Variants in PBRM1 observed in about 807,000 individuals in gnomAD.
PBRM1 encodes the protein protein polybromo-1.
In PBRM1, 27 loss-of-function variants were observed where a neutral mutation model predicts 194.5. That is an observed-to-expected ratio of 0.14 (90% confidence interval 0.10 to 0.19). The LOEUF (loss-of-function observed/expected upper bound fraction) is 0.19, where lower values mean the gene tolerates loss of function less well. Ranked by LOEUF, PBRM1 falls within the 10% of genes least tolerant of loss-of-function variation. The pLI is 1.00. For missense variants in PBRM1, 1,466 were observed against 2,077.2 expected (o/e 0.71, Z 5.72); for synonymous variants, 655 against 693.2 (o/e 0.94, Z 0.87).
At chr3:52,602,642 T>C (rs1337961026) in intron 17 of PBRM1, among the ~76,000 whole-genome samples, 3 of 152,226 alleles carry the variant, frequency 2.0e-5, no homozygotes, top group Non-Finnish European at 2.9e-5. Context: ...TCAACCACTT[T>C]TAGCTGGCAA....
Position 52,666,343 on chromosome 3 carries a change from GACCA to G in PBRM1, c.384+2151_384+2154del, listed in dbSNP as rs541228207. Among the ~76,000 whole-genome samples the G allele has an allele frequency of 4.9e-4, 75 of 152,242 alleles. 2 individuals carry two copies. The South Asian group carries it at 0.012, about 24-fold the overall frequency. On this transcript the variant is annotated intron_variant, in intron 3 of 29. Coordinates refer to ENST00000296302, the Ensembl canonical transcript of PBRM1. ...AGATCACCTGAGGTCAGGAGTTCAG[GACCA>G]GCCTGGCCAACATGGCAAAACCACG...
intron 5 of PBRM1, among the ~76,000 whole-genome samples, chr3:52,657,765 T>C (rs1373827656): frequency 2.4e-4 from 33 of 135,756 alleles, no homozygotes; most frequent in Middle Eastern, 5.7e-3. Context: ...CCACTGCGCC[T>C]GGCCCAACAT....
At chr3:52,613,567 C>T (rs2094774326) in intron 15 of PBRM1, among the ~76,000 whole-genome samples, 2 of 152,156 alleles carry the variant, frequency 1.3e-5, no homozygotes, top group South Asian at 2.1e-4. Context: ...TGGTCTCAAA[C>T]TCCTGGGCTG....
chr3:52,600,603 A>C (rs9917834), intron 17 of PBRM1, among the ~76,000 whole-genome samples: 69,289 of 151,954 alleles, frequency 0.46, 16,138 homozygotes, highest in African/African-American at 0.52. Flanking sequence ...TCTAAGAATT[A>C]TCTTGTATCA....
At position 52,550,406 on chromosome 3, in the gene PBRM1, T is replaced by C. The variant is rs961353512; in HGVS notation, c.4897+15A>G. 4 of 1,337,410 alleles carry C rather than the reference T, an allele frequency of 3.0e-6. No individual in the cohort carries two copies. The highest frequency in any genetic ancestry group is 3.0e-5 in the Admixed American group (1 of 33,140). The allele number at this position is 1,337,410 out of a possible 1,614,324, so 82.8% of individuals were successfully genotyped here. A position where few individuals can be genotyped will look rare whatever the true frequency, so the allele number is the denominator to read the frequency against. ...AGCATGTATTTCACAAAGGCTTATT[T>C]AGAAGGAATCTTACCTGCCAGTGTC... is the stretch of plus-strand genomic sequence containing the variant. On this transcript the variant is annotated intron_variant, in intron 29 of 29. Coordinates refer to ENST00000296302, the Ensembl canonical transcript of PBRM1.
chr3:52,648,939 A>C (rs2096406282), intron 6 of PBRM1, among the ~76,000 whole-genome samples: 1 of 152,218 alleles, frequency 6.6e-6, no homozygotes, highest in South Asian at 2.1e-4. Context: ...ACTCAATCCA[A>C]AACAACCCAG....
intron 22 of PBRM1, 21 bp from the exon 25 acceptor site, chr3:52,564,254 G>A: frequency 6.4e-7 from 1 of 1,567,958 alleles, no homozygotes; most frequent in Non-Finnish European, 8.8e-7. Flanking sequence ...AAATTAGAAA[G>A]AAATTAAAGG....
At chr3:52,593,674 A>G (rs902846052) in intron 17 of PBRM1, among the ~76,000 whole-genome samples, 14 of 152,106 alleles carry the variant, frequency 9.2e-5, no homozygotes, top group Admixed American at 5.2e-4. Flanking sequence ...ATCTACCTTA[A>G]TTTCATTATT....
At chr3:52,553,545 G>A (rs959365412) in intron 27 of PBRM1, among the ~76,000 whole-genome samples, 2 of 148,568 alleles carry the variant, frequency 1.3e-5, no homozygotes, top group African/African-American at 5.0e-5. Context: ...CTGGAGTGCA[G>A]TGGTGCGATC....
chr3:52,662,603 G>T (rs2096746496), intron 3 of PBRM1, among the ~76,000 whole-genome samples: 1 of 152,116 alleles, frequency 6.6e-6, no homozygotes, highest in Admixed American at 6.5e-5. Flanking sequence ...CAAGGCAGGT[G>T]GATCATGAGG....
intron 4 of PBRM1, among the ~76,000 whole-genome samples, chr3:52,660,822 A>G (rs1236731775): frequency 6.6e-6 from 1 of 151,580 alleles, no homozygotes; most frequent in East Asian, 1.9e-4. Context: ...TAGGAACTGT[A>G]TTTTGAGACT....
At chr3:52,655,226 AAAC>A (rs1229103140) in intron 5 of PBRM1, among the ~76,000 whole-genome samples, 1 of 152,128 alleles carries the variant, frequency 6.6e-6, no homozygotes, top group Non-Finnish European at 1.5e-5. Context: ...TGTACATATT[AAAC>A]AACTCCCCAT....
intron 16 of PBRM1, 31 bp from the exon 19 acceptor site, chr3:52,603,763 T>C: frequency 6.4e-7 from 1 of 1,573,214 alleles, no homozygotes; most frequent in Non-Finnish European, 8.7e-7. Context: ...TCCATTGACA[T>C]ACAAGCTGTT....
At chr3:52,639,387 C>G (rs1315656612) in intron 10 of PBRM1, among the ~76,000 whole-genome samples, 1 of 152,006 alleles carries the variant, frequency 6.6e-6, no homozygotes, top group East Asian at 1.9e-4. Flanking sequence ...AGGGTTTTAA[C>G]AGAATAACTT....
At chr3:52,618,097 T>C (rs775654723) in intron 13 of PBRM1, among the ~76,000 whole-genome samples, 6 of 152,244 alleles carry the variant, frequency 3.9e-5, no homozygotes, top group African/African-American at 7.2e-5. Context: ...CTCTCTTGCA[T>C]TGATTCTGTC....
chr3:52,605,007 G>A (rs535915806), intron 16 of PBRM1, among the ~76,000 whole-genome samples: 1 of 126,150 alleles, frequency 7.9e-6, no homozygotes, highest in Admixed American at 9.0e-5. Context: ...TGGGGAGTGG[G>A]CAAAATAAAC....
chr3:52,614,528 T>TATTA (rs542929893), intron 15 of PBRM1, among the ~76,000 whole-genome samples: 45 of 151,704 alleles, frequency 3.0e-4, no homozygotes, highest in African/African-American at 1.0e-3. Context: ...TATCTAATGG[T>TATTA]ATTAATAACT....
chr3:52,556,463 C>T (rs1395625765), intron 26 of PBRM1, among the ~76,000 whole-genome samples: 3 of 152,110 alleles, frequency 2.0e-5, no homozygotes, highest in South Asian at 2.1e-4. Context: ...GTTAAGTAGG[C>T]GGGAAATTTA....
intron 17 of PBRM1, among the ~76,000 whole-genome samples, chr3:52,593,169 T>C (rs2093258716): frequency 6.6e-6 from 1 of 152,220 alleles, no homozygotes; most frequent in African/African-American, 2.4e-5. Flanking sequence ...GCTCTGATTA[T>C]TTCTTTTTTT....
Sources: allele counts gnomAD v4.1 joint callset (sites outside exome capture counted in the v4.1 genomes callset), GRCh38; gene constraint gnomAD v4.1.1; transcripts MANE v1.5; gene names NCBI Gene and HGNC (gene_info 2026-07-23, HGNC 2026-07-21).